SIMC1: variants seen among roughly 807,000 people sequenced by gnomAD.
SIMC1 encodes SUMO interacting motifs containing 1.
SIMC1 carries 55 observed loss-of-function variants against 82.3 expected under a neutral mutation model. The observed-to-expected ratio is 0.67, with a 90% CI of 0.54 to 0.84. The LOEUF is 0.84. SIMC1 is among the 40% of genes least tolerant of loss of function. SIMC1 has a pLI of 0.00. For synonymous variants in SIMC1, 353 were observed against 426.3 expected (o/e 0.83, Z 2.12); for missense variants, 915 against 1,107.2 (o/e 0.83, Z 2.46).
intron 4 of SIMC1, among the ~76,000 whole-genome samples, chr5:176,310,893 T>A (rs1039023059): frequency 5.3e-5 from 8 of 151,778 alleles, no homozygotes; most frequent in Non-Finnish European, 8.8e-5. Context: ...AAATAAAAAA[T>A]AAAAAAGCAA....
At chr5:176,313,463 A>T (rs774812653) in intron 4 of SIMC1, 1 of 1,550,020 alleles carries the variant, frequency 6.5e-7, no homozygotes, top group Non-Finnish European at 8.7e-7. Flanking sequence ...TACTTAAAAA[A>T]TGGTTTCTGA....
chr5:176,271,825 T>C (rs894058568), intron 1 of SIMC1, among the ~76,000 whole-genome samples: 6 of 148,636 alleles, frequency 4.0e-5, no homozygotes, highest in Admixed American at 1.4e-4. Flanking sequence ...AAAATATTCC[T>C]GTCTCAAAAT....
rs1764779278 is a variant in SIMC1 at position 176,313,804 on chromosome 5, A to G, written c.1848A>G (p.Ala616=). Residue 616 remains alanine (A), a synonymous_variant, in exon 5 of 10, where the codon GCA becomes GCG. Transcript: ENST00000429602. ...GGCAGCACCTGCAGCAATCCATTGCAAACATGGTGCTTTCCTGTGACAAGC... is the reference window on the plus strand; with the variant it reads ...GGCAGCACCTGCAGCAATCCATTGCGAACATGGTGCTTTCCTGTGACAAGC... ...RQRQHLQQSI[A]NMVLSCDKQP... 5.0e-6 allele frequency: 8 copies of G among 1,613,820 alleles called. No homozygotes were observed. The highest frequency in any genetic ancestry group is 6.8e-6 in the Non-Finnish European group (8 of 1,179,896).
intron 1 of SIMC1, among the ~76,000 whole-genome samples, chr5:176,284,349 A>G (rs1430859219): frequency 1.3e-5 from 2 of 152,274 alleles, no homozygotes; most frequent in East Asian, 1.9e-4. Flanking sequence ...CAATCAAACT[A>G]GAACTCAGGA....
chr5:176,249,736 C>G (rs1165745710), intron 1 of SIMC1, among the ~76,000 whole-genome samples: 1 of 148,686 alleles, frequency 6.7e-6, no homozygotes, highest in Non-Finnish European at 1.5e-5. Flanking sequence ...CCCAGCTACT[C>G]AGGAGGCTGA....
chr5:176,309,128 T>C (rs1229429513), intron 4 of SIMC1: 1 of 630,552 alleles, frequency 1.6e-6, no homozygotes, highest in Non-Finnish European at 2.8e-6. Flanking sequence ...CAAGACTTAC[T>C]ATAAAGCTGT....
chr5:176,243,764 C>T (rs1445452332), intron 1 of SIMC1, among the ~76,000 whole-genome samples: 1 of 152,220 alleles, frequency 6.6e-6, no homozygotes, highest in African/African-American at 2.4e-5. Context: ...CATGATCCAC[C>T]CGCCTCGGCC....
At chr5:176,345,095 GCCAAGACTCTACCTA>G in intron 9 of SIMC1, 73 bp from the exon 10 acceptor site, 1 of 1,513,972 alleles carries the variant, frequency 6.6e-7, no homozygotes, top group Non-Finnish European at 8.9e-7. Flanking sequence ...GCAAGTCTTT[GCCAAGACTCTACCTA>G]CCAAAATTAG....
chr5:176,328,330 CAAAGTT>C (rs1172578092), intron 7 of SIMC1, among the ~76,000 whole-genome samples: 1 of 151,206 alleles, frequency 6.6e-6, no homozygotes, highest in African/African-American at 2.4e-5. Context: ...AAAAAAGAAA[CAAAGTT>C]AAGGTAAGCC....
intron 1 of SIMC1, among the ~76,000 whole-genome samples, chr5:176,245,125 T>C (rs1761395298): frequency 6.6e-6 from 1 of 152,174 alleles, no homozygotes; most frequent in South Asian, 2.1e-4. Flanking sequence ...CCCCACTACC[T>C]CAGATTGTGA....
At chr5:176,279,121 T>C (rs1762858235) in intron 1 of SIMC1, among the ~76,000 whole-genome samples, 2 of 152,254 alleles carry the variant, frequency 1.3e-5, no homozygotes, top group African/African-American at 2.4e-5. Flanking sequence ...GTTGCCACAA[T>C]TTCAGATCCT....
At chr5:176,261,406 T>TG (rs1328769467) in intron 1 of SIMC1, among the ~76,000 whole-genome samples, 1 of 152,210 alleles carries the variant, frequency 6.6e-6, no homozygotes, top group Non-Finnish European at 1.5e-5. Flanking sequence ...TAGATCAATT[T>TG]GGGTAGAACA....
At chr5:176,252,125 G>T (rs1230670770) in intron 1 of SIMC1, among the ~76,000 whole-genome samples, 1 of 152,184 alleles carries the variant, frequency 6.6e-6, no homozygotes, top group Non-Finnish European at 1.5e-5. Context: ...TGGTGGCCGG[G>T]CAGAGGGGCT....
intron 1 of SIMC1, among the ~76,000 whole-genome samples, chr5:176,248,023 T>G (rs1325976989): frequency 6.6e-6 from 1 of 151,948 alleles, no homozygotes; most frequent in Non-Finnish European, 1.5e-5. Flanking sequence ...TGTAGTATAG[T>G]TTGAACTCAG....
intron 6 of SIMC1, among the ~76,000 whole-genome samples, 162 bp from the exon 7 acceptor site, chr5:176,324,467 C>A (rs1765290219): frequency 6.6e-6 from 1 of 152,130 alleles, no homozygotes; most frequent in Non-Finnish European, 1.5e-5. Flanking sequence ...TAAATAAAAG[C>A]ATGCTGATGG....
rs1766418357 is a variant in SIMC1 at position 176,345,444 on chromosome 5, G to C, written c.2675G>C (p.Ter892SerextTer6). The C allele has an allele frequency of 1.9e-6, 3 of 1,611,462 alleles. No individual in the cohort carries two copies. The highest frequency in any genetic ancestry group is 2.5e-6 in the Non-Finnish European group (3 of 1,178,562). Residue 892 changes from the stop codon to serine (S), a stop_lost, in exon 10 of 10, where the codon TGA (stop) becomes TCA (serine). Transcript: ENST00000429602. ...TTTCAAAAGGGCTGGAGCGGCTCCT[G>C]AGGGCCTGCCAAGCACTGAATGCCA... is the stretch of plus-strand genomic sequence containing the variant. ...EPFQKGWSGS[*>S]
intron 7 of SIMC1, among the ~76,000 whole-genome samples, chr5:176,332,154 G>T (rs1765698077): frequency 6.6e-6 from 1 of 152,140 alleles, no homozygotes; most frequent in Admixed American, 6.5e-5. Context: ...CCTGTAATCT[G>T]ACTATTTGTT....
intron 4 of SIMC1, among the ~76,000 whole-genome samples, chr5:176,299,067 C>T (rs1175398555): frequency 6.6e-6 from 1 of 152,232 alleles, no homozygotes; most frequent in Non-Finnish European, 1.5e-5. Context: ...TATATGCCAT[C>T]TACAAGAGTC....
At chr5:176,296,546 G>C in intron 4 of SIMC1, 1 of 530,424 alleles carries the variant, frequency 1.9e-6, no homozygotes, top group Non-Finnish European at 3.4e-6. Flanking sequence ...ATGCATGCCT[G>C]TGGTCCCAGC....
Sources: allele counts gnomAD v4.1 joint callset (sites outside exome capture counted in the v4.1 genomes callset), GRCh38; gene constraint gnomAD v4.1.1; transcripts MANE v1.5; gene names NCBI Gene and HGNC (gene_info 2026-07-23, HGNC 2026-07-21).